EMILIN2: variants seen among roughly 807,000 people sequenced by gnomAD.
EMILIN2 encodes the protein EMILIN-2.
In EMILIN2, 71 loss-of-function variants were observed where a neutral mutation model predicts 87.1. The observed-to-expected ratio is 0.82, with a 90% CI of 0.67 to 0.99. The LOEUF (loss-of-function observed/expected upper bound fraction) is 0.99. EMILIN2 is among the 50% of genes least tolerant of loss of function. The probability of loss-of-function intolerance (pLI) is 0.00; values close to 1 mark genes in which losing one functional copy is unlikely to be tolerated. For synonymous variants in EMILIN2, 581 were observed against 563.4 expected, an observed-to-expected ratio of 1.03 and a Z score of -0.44; for missense variants, 1,407 against 1,371.8, an observed-to-expected ratio of 1.03 and a Z score of -0.40.
intron 2 of EMILIN2, among the ~76,000 whole-genome samples, chr18:2,850,159 C>G (rs1459343419): frequency 7.2e-6 from 1 of 138,382 alleles, no homozygotes; most frequent in African/African-American, 2.8e-5. Flanking sequence ...TAAGGCTGGT[C>G]TCGAACTTGA....
Position 2,891,276 on chromosome 18 carries a change from C to G in EMILIN2, c.1149C>G (p.Leu383=), listed in dbSNP as rs2076835031. ...ETSLRKEINN[L]RARLQEPSAQ... is the part of the protein sequence containing the mutation. The stretch of plus-strand genomic sequence containing the variant: ...GCCTGAGAAAAGAAATAAATAACCT[C>G]CGAGCCCGGCTACAGGAGCCTTCAG... Residue 383 remains leucine (L), a synonymous_variant, in exon 4 of 8, where the codon CTC becomes CTG. Coordinates refer to ENST00000254528, the MANE Select transcript of EMILIN2 (RefSeq NM_032048.3). The surrounding 1 kb of genome is among the most constrained non-coding windows in gnomAD (Gnocchi z 4.6). 2 of 1,614,046 alleles carry G rather than the reference C, an allele frequency of 1.2e-6. No individual in the cohort carries two copies. Among genetic ancestry groups the G allele is most frequent in the South Asian group, 2.2e-5 (2 of 91,082 alleles).
At chr18:2,864,622 T>C (rs1204297484) in intron 2 of EMILIN2, among the ~76,000 whole-genome samples, 18 of 151,530 alleles carry the variant, frequency 1.2e-4, no homozygotes, top group African/African-American at 4.4e-4. Flanking sequence ...GTGGGTAACC[T>C]GACCTTTCTC....
At chr18:2,884,597 A>G (rs1332100821) in intron 2 of EMILIN2, among the ~76,000 whole-genome samples, 1 of 152,258 alleles carries the variant, frequency 6.6e-6, no homozygotes, top group Non-Finnish European at 1.5e-5. Context: ...GACACCTGAA[A>G]CAAATCCCCA....
chr18:2,892,945 G>C (rs964513570), intron 4 of EMILIN2, among the ~76,000 whole-genome samples: 6 of 151,238 alleles, frequency 4.0e-5, no homozygotes, highest in Non-Finnish European at 7.4e-5. Flanking sequence ...CCAGCTAGTC[G>C]GGAGGCTGAG....
At chr18:2,905,611 T>TCAAC (rs1463710775) in intron 4 of EMILIN2, among the ~76,000 whole-genome samples, 1 of 151,886 alleles carries the variant, frequency 6.6e-6, no homozygotes, top group Non-Finnish European at 1.5e-5. Context: ...TTTGAACCCA[T>TCAAC]CAACCACCTC....
At chr18:2,872,678 T>C (rs2076726250) in intron 2 of EMILIN2, among the ~76,000 whole-genome samples, 1 of 152,252 alleles carries the variant, frequency 6.6e-6, no homozygotes, top group Non-Finnish European at 1.5e-5. Context: ...TGTTTTTTGC[T>C]AAGCTGTAAG....
chr18:2,848,129 G>A lies in EMILIN2; in HGVS notation c.257+198G>A, dbSNP rs1186605392. 2.6e-5 allele frequency among the ~76,000 whole-genome samples: 4 copies of A among 152,238 alleles called. No homozygotes were observed. Among genetic ancestry groups the A allele is most frequent in the African/African-American group, 9.6e-5 (4 of 41,462 alleles). The stretch of plus-strand genomic sequence containing the variant: ...TATTTAGGGAGTGGGTGCTGCCCGA[G>A]TGAGTGGGGAGGATGCGCGCGCCTC... On this transcript the variant is annotated intron_variant, in intron 2 of 7. Coordinates refer to ENST00000254528, the MANE Select transcript of EMILIN2 (RefSeq NM_032048.3). The surrounding 1 kb of genome is among the most constrained non-coding windows in gnomAD (Gnocchi z 4.1).
In EMILIN2 at chr18:2,906,817, G is replaced by T; in HGVS notation, c.2394G>T (p.Pro798=). 1 of 1,318,846 alleles carries T rather than the reference G, an allele frequency of 7.6e-7. No homozygotes were observed. The highest frequency in any genetic ancestry group is 9.6e-7 in the Non-Finnish European group (1 of 1,039,422). The allele number at this position is 1,318,846 out of a possible 1,614,324, so 81.7% of individuals were successfully genotyped here. A position where few individuals can be genotyped will look rare whatever the true frequency, so the allele number is the denominator to read the frequency against. ...APSPPPPAEA[P]KEPLQPEPAP... is the part of the protein sequence containing the mutation. The stretch of plus-strand genomic sequence containing the variant: ...CGCCCCCGCCGCCCGCAGAGGCCCC[G>T]AAGGAGCCGCTGCAGCCCGAGCCCG... The change falls in exon 5 of 8, where the codon CCG becomes CCT. Residue 798 remains proline, a synonymous_variant. Transcript: ENST00000254528.
intron 4 of EMILIN2, among the ~76,000 whole-genome samples, chr18:2,905,769 AT>A (rs1410106900): frequency 2.5e-5 from 3 of 120,294 alleles, no homozygotes; most frequent in African/African-American, 3.4e-5. Flanking sequence ...CCCCGGGCTA[AT>A]TTTTGTTTTT....
chr18:2,873,638 C>T (rs941119601), intron 2 of EMILIN2, among the ~76,000 whole-genome samples: 27 of 151,850 alleles, frequency 1.8e-4, no homozygotes, highest in African/African-American at 3.9e-4. Flanking sequence ...ACCCGGGAGG[C>T]GGAGCTTGCA....
chr18:2,910,825 C>A (rs1281129093), intron 7 of EMILIN2, among the ~76,000 whole-genome samples: 1 of 152,220 alleles, frequency 6.6e-6, no homozygotes, highest in African/African-American at 2.4e-5. Context: ...TGTTAGCAAG[C>A]CTAAGTTACC....
intron 4 of EMILIN2, 133 bp from the exon 5 acceptor site, chr18:2,906,650 T>A: frequency 1.4e-6 from 1 of 696,596 alleles, no homozygotes; most frequent in African/African-American, 1.9e-5. Context: ...CCCGCTGGCC[T>A]GACGTCGCAG....
In EMILIN2 at chr18:2,892,436, T is replaced by C; in HGVS notation, c.2309T>C (p.Phe770Ser). 1.9e-6 allele frequency: 3 copies of C among 1,610,896 alleles called. No individual in the cohort carries two copies. The South Asian group carries it at 3.3e-5, about 18-fold the overall frequency. ...NSVQQFYSHV[F>S]QISTDLQDLV... ...GTCCAGCAGTTCTACAGCCACGTCT[T>C]CCAGATTTCTACTGATTTGCAAGAT... The change falls in exon 4 of 8, where the codon TTC becomes TCC. Residue 770 changes from phenylalanine (F) to serine (S), a missense_variant. Physicochemically the swap from Phe to Ser is radical, Grantham distance 155. Transcript: ENST00000254528.
At chr18:2,852,629 C>T (rs1403142096) in intron 2 of EMILIN2, among the ~76,000 whole-genome samples, 2 of 152,206 alleles carry the variant, frequency 1.3e-5, no homozygotes, top group African/African-American at 4.8e-5. Context: ...AGCGATTCTC[C>T]TGCCTCAGCC....
At chr18:2,892,861 G>A in intron 4 of EMILIN2, among the ~76,000 whole-genome samples, 1 of 149,190 alleles carries the variant, frequency 6.7e-6, no homozygotes, top group Non-Finnish European at 1.5e-5. Context: ...AGATCAACCT[G>A]GCCAACATGG....
intron 7 of EMILIN2, among the ~76,000 whole-genome samples, chr18:2,910,703 G>T (rs1028816266): frequency 6.6e-6 from 1 of 152,194 alleles, no homozygotes; most frequent in Non-Finnish European, 1.5e-5. Context: ...GAGGGAGGGG[G>T]ACTTGGTTTC....
chr18:2,859,554 G>A (rs370295515), intron 2 of EMILIN2, among the ~76,000 whole-genome samples: 2 of 152,200 alleles, frequency 1.3e-5, no homozygotes, highest in South Asian at 4.2e-4. Context: ...CTTTTGCCTT[G>A]CAAAAGCTCT....
At chr18:2,901,556 G>A (rs2076888243) in intron 4 of EMILIN2, among the ~76,000 whole-genome samples, 1 of 152,254 alleles carries the variant, frequency 6.6e-6, no homozygotes. Flanking sequence ...TGGTGAGGCT[G>A]TGACCCTACC....
Position 2,891,236 on chromosome 18 carries a change from G to A in EMILIN2, c.1109G>A (p.Gly370Glu), listed in dbSNP as rs1279895754. Residue 370 changes from glycine (G) to glutamate (E), a missense_variant, in exon 4 of 8, where the codon GGG becomes GAG. Physicochemically the swap from Gly to Glu is moderately conservative, Grantham distance 98. Transcript: ENST00000254528. The surrounding 1 kb of genome is among the most constrained non-coding windows in gnomAD (Gnocchi z 4.6). ...TACCTGGGAGTGATAGAGCTCATAGGGGAGAAGGAAACAAGCCTGAGAAAA... is the reference window on the plus strand; with the variant it reads ...TACCTGGGAGTGATAGAGCTCATAGAGGAGAAGGAAACAAGCCTGAGAAAA... ...SSYLGVIELI[G>E]EKETSLRKEI... The A allele has an allele frequency of 6.2e-7, 1 of 1,614,202 alleles. No individual in the cohort carries two copies.
Sources: allele counts gnomAD v4.1 joint callset (sites outside exome capture counted in the v4.1 genomes callset), GRCh38; gene constraint gnomAD v4.1.1; non-coding constraint Gnocchi (gnomAD v3.1); transcripts MANE v1.5; gene names NCBI Gene and HGNC (gene_info 2026-07-23, HGNC 2026-07-21).